FRYL: variants seen among roughly 807,000 people sequenced by gnomAD.
FRYL encodes the protein FRY like transcription coactivator.
FRYL carries 150 observed loss-of-function variants against 351.2 expected under a neutral mutation model. The ratio of observed to expected loss-of-function variants is 0.43; its 90% CI spans 0.37 to 0.49. FRYL has a LOEUF of 0.49. Ranked by LOEUF, FRYL falls within the 20% of genes least tolerant of loss-of-function variation. The probability of loss-of-function intolerance (pLI) is 0.00; values close to 1 mark genes in which losing one functional copy is unlikely to be tolerated. For missense variants in FRYL, 3,036 were observed against 3,619.3 expected (o/e 0.84, Z 4.13); for synonymous variants, 1,153 against 1,257.1 (o/e 0.92, Z 1.75).
chr4:48,764,272 T>C (rs1321947086), intron 1 of FRYL, among the ~76,000 whole-genome samples: 1 of 152,170 alleles, frequency 6.6e-6, no homozygotes, highest in Admixed American at 6.6e-5. Context: ...CTCACACCTG[T>C]AATTCAAGGA....
chr4:48,514,416 A>G (rs988655439), intron 56 of FRYL, among the ~76,000 whole-genome samples: 3 of 152,146 alleles, frequency 2.0e-5, no homozygotes, highest in African/African-American at 7.2e-5. Flanking sequence ...TTTCCCCTAA[A>G]AGCTATATAT....
At chr4:48,719,451 T>C (rs779817655) in intron 1 of FRYL, among the ~76,000 whole-genome samples, 10 of 151,764 alleles carry the variant, frequency 6.6e-5, no homozygotes, top group Non-Finnish European at 1.5e-4. Context: ...AAGGCTGCTA[T>C]ATAAAGATGA....
chr4:48,743,079 A>G (rs1213201736), intron 1 of FRYL, among the ~76,000 whole-genome samples: 3 of 148,978 alleles, frequency 2.0e-5, no homozygotes, highest in Non-Finnish European at 4.4e-5. Flanking sequence ...TCAGCCTCCC[A>G]AAGTGCTGGG....
chr4:48,500,256 G>A (rs1719249333), intron 62 of FRYL, 36 bp from the exon 63 acceptor site: 38 of 1,359,304 alleles, frequency 2.8e-5, no homozygotes, highest in Non-Finnish European at 3.8e-5. Context: ...CTATTCGTAT[G>A]TTTGGTAACA....
intron 45 of FRYL, 89 bp downstream of exon 45, chr4:48,541,938 T>C (rs1223729833): frequency 1.1e-5 from 10 of 894,448 alleles, no homozygotes; most frequent in Admixed American, 9.7e-5. Flanking sequence ...TTGTGCTTAC[T>C]AACAATATTA....
At chr4:48,702,655 C>G (rs1270379906) in intron 2 of FRYL, among the ~76,000 whole-genome samples, 1 of 145,668 alleles carries the variant, frequency 6.9e-6, no homozygotes, top group African/African-American at 2.5e-5. Context: ...CCCAGCTACT[C>G]GTAGAGGCTG....
chr4:48,691,621 CAGTA>C (rs1206037533), intron 2 of FRYL, among the ~76,000 whole-genome samples: 1 of 152,110 alleles, frequency 6.6e-6, no homozygotes, highest in East Asian at 1.9e-4. Flanking sequence ...GCTTGACACA[CAGTA>C]AGTACTCAAT....
chr4:48,586,852 A>T, intron 18 of FRYL, 124 bp from the exon 19 acceptor site: 3 of 595,812 alleles, frequency 5.0e-6, no homozygotes, highest in South Asian at 2.0e-5. Flanking sequence ...TTAATATTTT[A>T]AAAATGCACA....
intron 22 of FRYL, 94 bp downstream of exon 22, chr4:48,580,771 G>T: frequency 2.6e-6 from 2 of 767,060 alleles, no homozygotes; most frequent in Admixed American, 2.5e-5. Context: ...ATTTGTTAAG[G>T]AAGTTATTTT....
At chr4:48,765,307 GAGACCAAT>G (rs1156676074) in intron 1 of FRYL, among the ~76,000 whole-genome samples, 1 of 152,112 alleles carries the variant, frequency 6.6e-6, no homozygotes, top group Non-Finnish European at 1.5e-5. Flanking sequence ...AAAACAGATA[GAGACCAAT>G]AGAACAAAAT....
At chr4:48,566,641 T>C (rs1486946091) in intron 28 of FRYL, among the ~76,000 whole-genome samples, 1 of 152,202 alleles carries the variant, frequency 6.6e-6, no homozygotes, top group East Asian at 1.9e-4. Flanking sequence ...GTATATACTA[T>C]TCAAAATAAC....
intron 53 of FRYL, among the ~76,000 whole-genome samples, chr4:48,525,441 G>A (rs571750130): frequency 1.3e-5 from 2 of 152,152 alleles, no homozygotes; most frequent in South Asian, 4.2e-4. Flanking sequence ...ACATCTGCAG[G>A]GGGCACTGAG....
intron 3 of FRYL, chr4:48,653,987 T>G: frequency 9.4e-7 from 1 of 1,061,128 alleles, no homozygotes; most frequent in African/African-American, 1.7e-5. Flanking sequence ...GAAATGCCGC[T>G]GAATGCAGAT....
chr4:48,570,751 T>C (rs1015573998), intron 27 of FRYL, 76 bp downstream of exon 27: 3 of 1,060,696 alleles, frequency 2.8e-6, no homozygotes, highest in Admixed American at 1.9e-5. Flanking sequence ...TCTGTTTTTA[T>C]ACATTTCATG....
At chr4:48,632,193 C>G (rs1753347824) in intron 4 of FRYL, among the ~76,000 whole-genome samples, 1 of 137,256 alleles carries the variant, frequency 7.3e-6, no homozygotes, top group Non-Finnish European at 1.5e-5. Context: ...AGGACTGTAT[C>G]ACATGATACT....
chr4:48,717,072 C>G (rs1184200549), intron 1 of FRYL, among the ~76,000 whole-genome samples: 1 of 132,348 alleles, frequency 7.6e-6, no homozygotes, highest in East Asian at 2.2e-4. Context: ...AATTGAACAA[C>G]GAGAACATAT....
At chr4:48,613,050 T>C (rs2149291825) in intron 7 of FRYL, among the ~76,000 whole-genome samples, 1 of 152,336 alleles carries the variant, frequency 6.6e-6, no homozygotes, top group East Asian at 1.9e-4. Context: ...GGATTTCTGA[T>C]TTTCTTAAAT....
At chr4:48,553,478 A>AG in intron 35 of FRYL, 95 bp from the exon 36 acceptor site, 3 of 790,456 alleles carry the variant, frequency 3.8e-6, no homozygotes, top group African/African-American at 3.4e-5. Context: ...GTTCAACTTT[A>AG]AGTGGTAGAT....
At chr4:48,569,378 C>T (rs1421579559) in intron 27 of FRYL, among the ~76,000 whole-genome samples, 1 of 152,166 alleles carries the variant, frequency 6.6e-6, no homozygotes, top group Non-Finnish European at 1.5e-5. Flanking sequence ...ACTATCTTGG[C>T]TCACAGCAAC....
Sources: gnomAD v4.1 joint callset for allele counts (sites outside exome capture counted in the v4.1 genomes callset) on GRCh38, gnomAD v4.1.1 for gene constraint, MANE v1.5 for transcripts, NCBI Gene and HGNC (gene_info 2026-07-23, HGNC 2026-07-21) for gene names.